The following PRLR variants were observed in gnomAD, a reference collection of about 807,000 sequenced individuals.
The protein encoded by PRLR is prolactin receptor, also known as hPRL receptor.
Under a neutral mutation model 40.2 loss-of-function variants are expected in PRLR, and 13 were observed. The observed-to-expected ratio is 0.32, with a 90% CI of 0.21 to 0.51. The LOEUF (loss-of-function observed/expected upper bound fraction) is 0.51. PRLR is among the 20% of genes least tolerant of loss of function. The pLI is 0.97. For synonymous variants in PRLR, 269 were observed against 278.7 expected (o/e 0.97, Z 0.35); for missense variants, 656 against 747.3 (o/e 0.88, Z 1.42).
intron 1 of PRLR, among the ~76,000 whole-genome samples, chr5:35,139,350 G>A (rs1773947923): frequency 6.6e-6 from 1 of 152,012 alleles, no homozygotes; most frequent in Admixed American, 6.6e-5. Flanking sequence ...GGCCAGGGCT[G>A]GTCTCAAACT....
intron 1 of PRLR, among the ~76,000 whole-genome samples, chr5:35,145,558 T>C (rs1482183493): frequency 1.3e-5 from 2 of 152,214 alleles, no homozygotes; most frequent in Non-Finnish European, 2.9e-5. Context: ...CTTGAGGATT[T>C]CCATGGCTTT....
chr5:35,098,672 A>G (rs886129809), intron 2 of PRLR, among the ~76,000 whole-genome samples: 1 of 152,224 alleles, frequency 6.6e-6, no homozygotes, highest in African/African-American at 2.4e-5. Context: ...GTCTATTGTT[A>G]TATATTAATA....
At chr5:35,202,536 C>A (rs1579798119) in intron 1 of PRLR, among the ~76,000 whole-genome samples, 1 of 152,158 alleles carries the variant, frequency 6.6e-6, no homozygotes, top group East Asian at 1.9e-4. Flanking sequence ...ACTGCTCCCC[C>A]TTCTGGCCAT....
At chr5:35,179,138 A>G (rs1775224202) in intron 1 of PRLR, among the ~76,000 whole-genome samples, 1 of 152,182 alleles carries the variant, frequency 6.6e-6, no homozygotes, top group Non-Finnish European at 1.5e-5. Context: ...TCATCTCACT[A>G]CATACAGGCT....
rs1468802863 is a variant in PRLR at position 35,064,950 on chromosome 5, A to G, written c.*139T>C. The G allele has an allele frequency of 1.5e-5, 13 of 883,752 alleles. No homozygotes were observed. The highest frequency in any genetic ancestry group is 2.0e-5 in the Non-Finnish European group (12 of 588,434). 54.7% of individuals were successfully genotyped at this position (883,752 alleles called of 1,614,324 possible). A position where few individuals can be genotyped will look rare whatever the true frequency, so the allele number is the denominator to read the frequency against. ...GAATCAGCTGCTGGAGAAAGAGGCA[A>G]GTGGTTAAAAATGGAGCATGAAAGG... On this transcript the variant is annotated 3_prime_UTR_variant, in exon 10 of 10. Transcript: ENST00000618457.
At chr5:35,066,864 C>G (rs972067390) in intron 9 of PRLR, among the ~76,000 whole-genome samples, 1 of 150,608 alleles carries the variant, frequency 6.6e-6, no homozygotes, top group African/African-American at 2.5e-5. Flanking sequence ...CCCGGGTTCA[C>G]GCCATTCTCC....
At chr5:35,078,092 A>G (rs1036479341) in intron 5 of PRLR, among the ~76,000 whole-genome samples, 1 of 152,226 alleles carries the variant, frequency 6.6e-6, no homozygotes, top group Admixed American at 6.5e-5. Flanking sequence ...AATGCCCACA[A>G]GAGAAAGCAG....
In PRLR at chr5:35,056,395, C is replaced by T. The variant is rs560078058; in HGVS notation, c.*8694G>A. The T allele has an allele frequency of 6.6e-6, 1 of 152,244 alleles. No homozygotes were observed. Among genetic ancestry groups the T allele is most frequent in the South Asian group, 2.1e-4 (1 of 4,822 alleles). The allele number at this position is 152,244 out of a possible 1,614,324, so 9.4% of individuals were successfully genotyped here. Reference sequence around the variant, plus strand: ...AGGAAGGTCCCTGGTGGGGGCTTTTCAATAATTCTATTTCTTATCCTTCTC... The same window carrying T: ...AGGAAGGTCCCTGGTGGGGGCTTTTTAATAATTCTATTTCTTATCCTTCTC... On this transcript the variant is annotated 3_prime_UTR_variant, in exon 10 of 10. Transcript: ENST00000618457.
At chr5:35,178,006 A>T (rs1194132525) in intron 1 of PRLR, among the ~76,000 whole-genome samples, 1 of 151,322 alleles carries the variant, frequency 6.6e-6, no homozygotes, top group Non-Finnish European at 1.5e-5. Context: ...AATCATAGCC[A>T]TCCTAGTGAC....
chr5:35,173,089 A>T (rs1775048126), intron 1 of PRLR, among the ~76,000 whole-genome samples: 1 of 152,146 alleles, frequency 6.6e-6, no homozygotes, highest in Non-Finnish European at 1.5e-5. Flanking sequence ...GGCAAAGCAC[A>T]TCTTGTTCCC....
intron 1 of PRLR, among the ~76,000 whole-genome samples, chr5:35,129,468 T>G (rs75239850): frequency 0.014 from 2,132 of 152,162 alleles, 64 homozygotes; most frequent in African/African-American, 0.049. Flanking sequence ...TACTCCACAT[T>G]CCTCTGGCCT....
At chr5:35,172,176 C>T (rs1389806195) in intron 1 of PRLR, among the ~76,000 whole-genome samples, 2 of 152,210 alleles carry the variant, frequency 1.3e-5, no homozygotes, top group Admixed American at 6.5e-5. Context: ...ACACAGTGAA[C>T]ATTCAGTCTG....
At chr5:35,168,530 G>A (rs1186216072) in intron 1 of PRLR, among the ~76,000 whole-genome samples, 1 of 151,766 alleles carries the variant, frequency 6.6e-6, no homozygotes, top group African/African-American at 2.4e-5. Context: ...AACTGAATTA[G>A]GAATCAATAT....
intron 1 of PRLR, among the ~76,000 whole-genome samples, chr5:35,228,232 C>CAAAAAAAA (rs55934270): frequency 2.3e-5 from 2 of 87,432 alleles, no homozygotes; most frequent in African/African-American, 3.9e-5. Context: ...AACAACCATG[C>CAAAAAAAA]AAAAAAAAAA....
chr5:35,123,685 CT>C (rs1190890732), intron 1 of PRLR, among the ~76,000 whole-genome samples: 1 of 152,174 alleles, frequency 6.6e-6, no homozygotes, highest in Non-Finnish European at 1.5e-5. Flanking sequence ...CTGCTTCTCT[CT>C]TTAATGTGTT....
chr5:35,130,837 A>G (rs543813259), intron 1 of PRLR, among the ~76,000 whole-genome samples: 6 of 152,320 alleles, frequency 3.9e-5, no homozygotes, highest in Admixed American at 1.3e-4. Flanking sequence ...GGATGTTTTT[A>G]TAAGACAGAG....
intron 1 of PRLR, among the ~76,000 whole-genome samples, chr5:35,161,850 A>G (rs1186411886): frequency 1.3e-5 from 2 of 152,250 alleles, no homozygotes; most frequent in Non-Finnish European, 2.9e-5. Context: ...CACAGAAGAT[A>G]ATTTTACAAG....
intron 1 of PRLR, among the ~76,000 whole-genome samples, chr5:35,171,213 G>C (rs1247596067): frequency 2.6e-5 from 4 of 152,154 alleles, no homozygotes; most frequent in African/African-American, 4.8e-5. Flanking sequence ...ATGAGCCACA[G>C]CAGGGAATCA....
At chr5:35,183,037 C>A (rs1775332393) in intron 1 of PRLR, among the ~76,000 whole-genome samples, 1 of 152,270 alleles carries the variant, frequency 6.6e-6, no homozygotes, top group East Asian at 1.9e-4. Flanking sequence ...CGTTCTCTAG[C>A]CCCTCTCCCA....
Sources: allele counts gnomAD v4.1 joint callset (sites outside exome capture counted in the v4.1 genomes callset), GRCh38; gene constraint gnomAD v4.1.1; transcripts MANE v1.5; gene names NCBI Gene and HGNC (gene_info 2026-07-23, HGNC 2026-07-21).